LRP11: variants seen among roughly 807,000 people sequenced by gnomAD.
The protein encoded by LRP11 is low-density lipoprotein receptor-related protein 11.
Under a neutral mutation model 43.1 loss-of-function variants are expected in LRP11, and 25 were observed. The ratio of observed to expected loss-of-function variants is 0.58; its 90% confidence interval spans 0.42 to 0.81. The LOEUF (loss-of-function observed/expected upper bound fraction) is 0.81, where lower values mean the gene tolerates loss of function less well. Ranked by LOEUF, LRP11 falls within the 30% of genes least tolerant of loss-of-function variation. The pLI, the probability that LRP11 is intolerant of heterozygous loss-of-function variation, is 0.00. For missense variants in LRP11, 623 were observed against 665.1 expected, an observed-to-expected ratio of 0.94 and a Z score of 0.70; for synonymous variants, 316 against 299.4, an observed-to-expected ratio of 1.06 and a Z score of -0.57.
In LRP11 at chr6:149,826,347, G is replaced by A. The variant is rs1224085784; in HGVS notation, c.1265C>T (p.Ser422Leu). 1.4e-5 allele frequency: 23 copies of A among 1,611,678 alleles called. No individual in the cohort carries two copies. The highest frequency in any genetic ancestry group is 1.8e-5 in the Non-Finnish European group (21 of 1,177,926). ...ACTTTCCTCTTTTCTGTTCTTCCCT[G>A]AGGAACTACTATCTGCAGAAAAGAA... ...IIPVMPDSSS[S>L]GKNRKEESYI... Residue 422 changes from serine (S) to leucine (L), a missense_variant, in exon 6 of 7, where the codon TCA (serine) becomes TTA (leucine). By Grantham distance (145) the Ser-to-Leu change is moderately radical. Transcript: ENST00000239367.
rs1161275802 is a variant in LRP11 at position 149,819,148 on chromosome 6, G to C, written c.*1401C>G. The C allele has an allele frequency of 1.3e-5, 2 of 152,186 alleles. No homozygotes were observed. Among genetic ancestry groups the C allele is most frequent in the African/African-American group, 2.4e-5 (1 of 41,536 alleles). 9.4% of individuals were successfully genotyped at this position (152,186 alleles called of 1,614,324 possible). A position where few individuals can be genotyped will look rare whatever the true frequency, so the allele number is the denominator to read the frequency against. On this transcript the variant is annotated 3_prime_UTR_variant, in exon 7 of 7. Coordinates refer to ENST00000239367, the MANE Select transcript of LRP11 (RefSeq NM_032832.6). The stretch of plus-strand genomic sequence containing the variant: ...GATACCCAATTTCTTTGCTTTTCTA[G>C]AAGTAACTTTCCATTTGTTCATGTA...
chr6:149,858,270 T>A (rs2115420571), intron 1 of LRP11, among the ~76,000 whole-genome samples: 1 of 152,278 alleles, frequency 6.6e-6, no homozygotes. Flanking sequence ...ATTGTTCAAC[T>A]CCCACTTATG....
intron 1 of LRP11, among the ~76,000 whole-genome samples, 184 bp downstream of exon 1, chr6:149,863,224 C>T (rs1415884027): frequency 2.5e-4 from 38 of 152,220 alleles, no homozygotes; most frequent in Admixed American, 2.4e-3. Context: ...CCGCGCCCGC[C>T]CGCCCGCTTC....
rs901038973 is a variant in LRP11 at position 149,818,785 on chromosome 6, G to GA, written c.*1763dup. On this transcript the variant is annotated 3_prime_UTR_variant, in exon 7 of 7. Coordinates refer to ENST00000239367, the MANE Select transcript of LRP11 (RefSeq NM_032832.6). ...TAGCAACTTATGATTATATTAAAAG[G>GA]AAAAAAAGGCTTAATAATAAAATAC... is the stretch of plus-strand genomic sequence containing the variant. 1 of 151,470 alleles carries GA rather than the reference G, an allele frequency of 6.6e-6. No individual in the cohort carries two copies. Among genetic ancestry groups the GA allele is most frequent in the African/African-American group, 2.4e-5 (1 of 41,260 alleles). 9.4% of individuals were successfully genotyped at this position (151,470 alleles called of 1,614,324 possible).
At chr6:149,850,878 C>T (rs1776708606) in intron 2 of LRP11, among the ~76,000 whole-genome samples, 1 of 152,148 alleles carries the variant, frequency 6.6e-6, no homozygotes, top group South Asian at 2.1e-4. Context: ...ACAATGTTTC[C>T]TGACAGTCTT....
intron 1 of LRP11, 33 bp downstream of exon 1, chr6:149,863,375 T>C: frequency 1.3e-5 from 17 of 1,314,712 alleles, no homozygotes; most frequent in Non-Finnish European, 1.6e-5. Flanking sequence ...TCGAGCGCTC[T>C]GGCCAAGGCC....
Position 149,837,430 on chromosome 6 carries a change from A to T in LRP11, c.947T>A (p.Phe316Tyr), listed in dbSNP as rs1776488342. The T allele has an allele frequency of 6.2e-7, 1 of 1,613,998 alleles. No individual in the cohort carries two copies. The highest frequency in any genetic ancestry group is 8.5e-7 in the Non-Finnish European group (1 of 1,180,026). The part of the protein sequence containing the change: ...CLHTCSRYHF[F>Y]CDDGCCIDIT... ...GTCAATGCAGCAGCCATCGTCACAG[A>T]AGAAGTGGTAGCGTGAGCAAGTGTG... The change falls in exon 4 of 7, where the codon TTC becomes TAC. Residue 316 changes from phenylalanine to tyrosine, a missense_variant. By Grantham distance (22) the Phe-to-Tyr change is conservative (BLOSUM62 3). Coordinates refer to ENST00000239367, the MANE Select transcript of LRP11 (RefSeq NM_032832.6).
At chr6:149,830,066 A>G (rs1303790453) in intron 5 of LRP11, among the ~76,000 whole-genome samples, 3 of 138,080 alleles carry the variant, frequency 2.2e-5, no homozygotes, top group African/African-American at 8.3e-5. Context: ...GCTGGAGTGC[A>G]CTGGCGCAAT....
intron 5 of LRP11, among the ~76,000 whole-genome samples, chr6:149,833,150 G>A (rs1776430935): frequency 6.6e-6 from 1 of 152,060 alleles, no homozygotes; most frequent in African/African-American, 2.4e-5. Context: ...TGTTAGCCAG[G>A]ATGATCTCGA....
At chr6:149,855,714 A>ATTT (rs1562446631) in intron 1 of LRP11, among the ~76,000 whole-genome samples, 2 of 124,364 alleles carry the variant, frequency 1.6e-5, no homozygotes, top group African/African-American at 9.4e-5. Flanking sequence ...TTTTTTTTTA[A>ATTT]AAAAAAAACA....
intron 5 of LRP11, among the ~76,000 whole-genome samples, chr6:149,829,296 C>T (rs1332214589): frequency 2.6e-5 from 4 of 152,214 alleles, no homozygotes; most frequent in South Asian, 2.1e-4. Flanking sequence ...CATGGTGGCT[C>T]ACGCCTGTAA....
chr6:149,854,022 T>C (rs1387105904), intron 1 of LRP11, among the ~76,000 whole-genome samples: 2 of 152,226 alleles, frequency 1.3e-5, no homozygotes, highest in East Asian at 1.9e-4. Flanking sequence ...ATTTTTCATC[T>C]AGGAAAATTG....
chr6:149,843,594 G>A (rs770315632), intron 2 of LRP11, among the ~76,000 whole-genome samples: 1 of 152,098 alleles, frequency 6.6e-6, no homozygotes, highest in Non-Finnish European at 1.5e-5. Context: ...TCTAGTCCTT[G>A]CCCCCTTTCT....
intron 1 of LRP11, among the ~76,000 whole-genome samples, chr6:149,854,424 T>C (rs1194523827): frequency 6.6e-6 from 1 of 152,176 alleles, no homozygotes; most frequent in Admixed American, 6.5e-5. Flanking sequence ...ACCTTTAACC[T>C]AGAATGGTAC....
chr6:149,847,035 G>A (rs1212306914), intron 2 of LRP11, among the ~76,000 whole-genome samples: 2 of 149,274 alleles, frequency 1.3e-5, no homozygotes, highest in Non-Finnish European at 3.0e-5. Flanking sequence ...GAAGCACTGA[G>A]GCCAGGGAGC....
At chr6:149,831,975 T>C (rs1776413366) in intron 5 of LRP11, among the ~76,000 whole-genome samples, 1 of 152,120 alleles carries the variant, frequency 6.6e-6, no homozygotes, top group East Asian at 1.9e-4. Flanking sequence ...ATACATAGTT[T>C]TAAGCCTTCA....
In LRP11 at chr6:149,863,428, G is replaced by C. The variant is rs1292060376; in HGVS notation, c.593C>G (p.Ala198Gly). 3.0e-6 allele frequency: 4 copies of C among 1,312,648 alleles called. No individual in the cohort carries two copies. The highest frequency in any genetic ancestry group is 3.9e-6 in the Non-Finnish European group (4 of 1,038,422). The allele number at this position is 1,312,648 out of a possible 1,614,324, so 81.3% of individuals were successfully genotyped here. A position where few individuals can be genotyped will look rare whatever the true frequency, so the allele number is the denominator to read the frequency against. The change falls in exon 1 of 7, where the codon GCG (alanine) becomes GGG (glycine). Residue 198 changes from alanine to glycine, a missense_variant. Coordinates refer to ENST00000239367, the MANE Select transcript of LRP11 (RefSeq NM_032832.6). ...RAPDGAALAT[A>G]RASPRQEKDA... ...CTTACCCTGCCGGGGCGAGGCGCGCGCGGTGGCCAGGGCGGCGCCGTCCGG... is the reference window on the plus strand; with the variant it reads ...CTTACCCTGCCGGGGCGAGGCGCGCCCGGTGGCCAGGGCGGCGCCGTCCGG...
intron 3 of LRP11, among the ~76,000 whole-genome samples, chr6:149,841,772 C>T (rs573080197): frequency 1.1e-4 from 16 of 152,036 alleles, no homozygotes; most frequent in Admixed American, 7.2e-4. Context: ...ATTAGCAGGG[C>T]GTGGTGGTGC....
chr6:149,823,167 A>T (rs538492171), intron 6 of LRP11, among the ~76,000 whole-genome samples: 31 of 152,336 alleles, frequency 2.0e-4, no homozygotes, highest in Non-Finnish European at 3.7e-4. Context: ...GAGACGTCCA[A>T]GAAGAAAGTC....
Sources: allele counts gnomAD v4.1 joint callset (sites outside exome capture counted in the v4.1 genomes callset), GRCh38; gene constraint gnomAD v4.1.1; transcripts MANE v1.5; gene names NCBI Gene and HGNC (gene_info 2026-07-23, HGNC 2026-07-21).